MED28: variants seen among roughly 807,000 people sequenced by gnomAD.
MED28 encodes mediator of RNA polymerase II transcription subunit 28.
MED28 carries 26 observed loss-of-function variants against 21.3 expected under a neutral mutation model. The ratio of observed to expected loss-of-function variants is 1.22; its 90% CI spans 0.89 to 1.69. The LOEUF (loss-of-function observed/expected upper bound fraction) is 1.69. Among genes scored for constraint, MED28 ranks in the 40% most tolerant of loss-of-function variants. MED28 has a pLI of 0.00. For synonymous variants in MED28, 110 were observed against 87.6 expected, an observed-to-expected ratio of 1.26 and a Z score of -1.43; for missense variants, 257 against 215.4, an observed-to-expected ratio of 1.19 and a Z score of -1.21.
intron 3 of MED28, 73 bp from the exon 4 acceptor site, chr4:17,623,528 C>A: frequency 7.1e-7 from 1 of 1,417,922 alleles, no homozygotes; most frequent in South Asian, 1.2e-5. Flanking sequence ...GAATTGTTAG[C>A]CTCTTAACTA....
rs1428624018 is a variant in MED28 at position 17,631,506 on chromosome 4, T to TCA, written c.*7711_*7712dup. 6.6e-6 allele frequency: 1 copy of TCA among 152,166 alleles called. No homozygotes were observed. Among genetic ancestry groups the TCA allele is most frequent in the Non-Finnish European group, 1.5e-5 (1 of 68,048 alleles). 9.4% of individuals were successfully genotyped at this position (152,166 alleles called of 1,614,324 possible). ...CAAAGAACAGATAATCTAGAGACCT[T>TCA]CACAAGTGATCATGTTGGCACTATG... On this transcript the variant is annotated 3_prime_UTR_variant, in exon 4 of 4. Transcript: ENST00000237380.
rs911900310 is a variant in MED28 at position 17,625,112 on chromosome 4, T to TG, written c.*1315dup. On this transcript the variant is annotated 3_prime_UTR_variant, in exon 4 of 4. Transcript: ENST00000237380. ...TGAAGCCTCCCAGCACCCATTCAGTTGCATCCCCAGGGCACAGGACTTTGA... is the reference window on the plus strand; with the variant it reads ...TGAAGCCTCCCAGCACCCATTCAGTTGGCATCCCCAGGGCACAGGACTTTGA... 1.3e-5 allele frequency: 2 copies of TG among 152,374 alleles called. No homozygotes were observed. The highest frequency in any genetic ancestry group is 4.8e-5 in the African/African-American group (2 of 41,418). The allele number at this position is 152,374 out of a possible 1,614,324, so 9.4% of individuals were successfully genotyped here.
intron 2 of MED28, among the ~76,000 whole-genome samples, 177 bp from the exon 3 acceptor site, chr4:17,621,410 T>C (rs1422762939): frequency 6.6e-6 from 1 of 152,154 alleles, no homozygotes; most frequent in Admixed American, 6.5e-5. Flanking sequence ...ATCTGCTGTT[T>C]AATGTTGGTT....
rs529358520 is a variant in MED28, at chr4:17,616,696, C to A, written c.159+1883C>A. Among the ~76,000 whole-genome samples, 12 of 152,312 alleles carry A rather than the reference C, an allele frequency of 7.9e-5. No individual in the cohort carries two copies. The South Asian group carries it at 2.5e-3, about 32-fold the overall frequency. ...TCCCTGGCCTTCTTTTTAATACTTA[C>A]CATTAAATTCGGCTCCATGAAGTCA... On this transcript the variant is annotated intron_variant, in intron 1 of 3. Coordinates refer to ENST00000237380, the MANE Select transcript of MED28 (RefSeq NM_025205.5).
intron 3 of MED28, among the ~76,000 whole-genome samples, chr4:17,622,359 C>G (rs570276337): frequency 6.6e-6 from 1 of 152,126 alleles, no homozygotes; most frequent in African/African-American, 2.4e-5. Context: ...CCCAATTAAT[C>G]AAAAAGTCTC....
rs566778111 is a variant in MED28, at chr4:17,626,963, ATTT to A, written c.*3182_*3184del. ...CCTCAGCCTCCCAAGTAGCTGGGCT[ATTT>A]TTTTTTTTTTTTTTTTGAGATGGAG... On this transcript the variant is annotated 3_prime_UTR_variant, in exon 4 of 4. Transcript: ENST00000237380. The A allele has an allele frequency of 0.018, 2,266 of 126,100 alleles. 57 individuals are homozygous for A. The highest frequency in any genetic ancestry group is 0.057 in the African/African-American group (1,918 of 33,360). The allele number at this position is 126,100 out of a possible 1,614,324, so 7.8% of individuals were successfully genotyped here. A position where few individuals can be genotyped will look rare whatever the true frequency, so the allele number is the denominator to read the frequency against.
intron 1 of MED28, among the ~76,000 whole-genome samples, chr4:17,617,427 T>C (rs1714484370): frequency 6.6e-6 from 1 of 152,164 alleles, no homozygotes; most frequent in East Asian, 1.9e-4. Flanking sequence ...ATTGAGCTCA[T>C]GCACTCTTGA....
At chr4:17,616,893 A>T (rs1714469497) in intron 1 of MED28, among the ~76,000 whole-genome samples, 1 of 152,182 alleles carries the variant, frequency 6.6e-6, no homozygotes, top group African/African-American at 2.4e-5. Flanking sequence ...TGATTCACAT[A>T]TATGTCTGTA....
rs1715025540 is a variant in MED28, at chr4:17,633,482, T to G, written c.*9684T>G. The G allele has an allele frequency of 2.2e-6, 1 of 463,968 alleles. No individual in the cohort carries two copies. The highest frequency in any genetic ancestry group is 3.6e-5 in the East Asian group (1 of 27,830). 28.7% of individuals were successfully genotyped at this position (463,968 alleles called of 1,614,324 possible). A position where few individuals can be genotyped will look rare whatever the true frequency, so the allele number is the denominator to read the frequency against. Reference sequence around the variant, plus strand: ...AGCTAAGAATGAGGAAGACTGTAATTTGAATTCAGACCTCCAGGCCAGATG... The same window carrying G: ...AGCTAAGAATGAGGAAGACTGTAATGTGAATTCAGACCTCCAGGCCAGATG... On this transcript the variant is annotated 3_prime_UTR_variant, in exon 4 of 4. Transcript: ENST00000237380.
At chr4:17,620,229 A>G (rs1448830222) in intron 2 of MED28, 1 of 418,454 alleles carries the variant, frequency 2.4e-6, no homozygotes, top group East Asian at 4.4e-5. Context: ...ACTGCTTTTT[A>G]AAAAAATTTT....
rs1714566703 is a variant in MED28 at position 17,619,885 on chromosome 4, T to C, written c.160-16T>C. On this transcript the variant is annotated splice_polypyrimidine_tract_variant and intron_variant, in intron 1 of 3. Transcript: ENST00000237380. ...ATAAATGATATTTTTTTCTTTCCTATGTTTTGATTACACAGGCTTGCTTTG... is the reference window on the plus strand; with the variant it reads ...ATAAATGATATTTTTTTCTTTCCTACGTTTTGATTACACAGGCTTGCTTTG... 6.2e-7 allele frequency: 1 copy of C among 1,612,690 alleles called. No homozygotes were observed. The highest frequency in any genetic ancestry group is 1.1e-5 in the South Asian group (1 of 91,034).
rs1356765446 is a variant in MED28 at position 17,630,179 on chromosome 4, A to G, written c.*6381A>G. ...AAGTGCAGCCTGGGAAAGTGTTTCA[A>G]CACACAAAAATAGAACCACCTGTAT... is the stretch of plus-strand genomic sequence containing the variant. On this transcript the variant is annotated 3_prime_UTR_variant, in exon 4 of 4. Coordinates refer to ENST00000237380, the MANE Select transcript of MED28 (RefSeq NM_025205.5). The G allele has an allele frequency of 1.3e-5, 2 of 152,206 alleles. No individual in the cohort carries two copies. Among genetic ancestry groups the G allele is most frequent in the Admixed American group, 6.5e-5 (1 of 15,282 alleles). The allele number at this position is 152,206 out of a possible 1,614,324, so 9.4% of individuals were successfully genotyped here.
In MED28 at chr4:17,629,910, GT is replaced by G. The variant is rs1213592519; in HGVS notation, c.*6115del. On this transcript the variant is annotated 3_prime_UTR_variant, in exon 4 of 4. Coordinates refer to ENST00000237380, the MANE Select transcript of MED28 (RefSeq NM_025205.5). ...TGGTAATAACAAACAAAAAGCTTAA[GT>G]TTGTGTCCTTAAATGCCTTACTTCA... 3.3e-5 allele frequency: 5 copies of G among 152,150 alleles called. No homozygotes were observed. The highest frequency in any genetic ancestry group is 7.2e-5 in the African/African-American group (3 of 41,428). The allele number at this position is 152,150 out of a possible 1,614,324, so 9.4% of individuals were successfully genotyped here.
chr4:17,632,134 G>A lies in MED28; in HGVS notation c.*8336G>A, dbSNP rs1462363897. 1 of 134,300 alleles carries A rather than the reference G, an allele frequency of 7.4e-6. No individual in the cohort carries two copies. The highest frequency in any genetic ancestry group is 1.6e-5 in the Non-Finnish European group (1 of 63,686). The allele number at this position is 134,300 out of a possible 1,614,324, so 8.3% of individuals were successfully genotyped here. On this transcript the variant is annotated 3_prime_UTR_variant, in exon 4 of 4. Coordinates refer to ENST00000237380, the MANE Select transcript of MED28 (RefSeq NM_025205.5). The stretch of plus-strand genomic sequence containing the variant: ...CACCCAGGCTGGTTGGAATGCAGGA[G>A]TTCGAACTTGGCTCACTGCAACCTC...
rs1714830791 is a variant in MED28, at chr4:17,628,478, C to A, written c.*4680C>A. ...GTGAATCCTCACTTCCTTGAAATCACCCAACCAGGGCCAGAATCCTAAAAG... is the reference window on the plus strand; with the variant it reads ...GTGAATCCTCACTTCCTTGAAATCAACCAACCAGGGCCAGAATCCTAAAAG... On this transcript the variant is annotated 3_prime_UTR_variant, in exon 4 of 4. Coordinates refer to ENST00000237380, the MANE Select transcript of MED28 (RefSeq NM_025205.5). The A allele has an allele frequency of 6.6e-6, 1 of 152,102 alleles. No individual in the cohort carries two copies. Among genetic ancestry groups the A allele is most frequent in the South Asian group, 2.1e-4 (1 of 4,826 alleles). The allele number at this position is 152,102 out of a possible 1,614,324, so 9.4% of individuals were successfully genotyped here. A position where few individuals can be genotyped will look rare whatever the true frequency, so the allele number is the denominator to read the frequency against.
At position 17,633,691 on chromosome 4, in the gene MED28, T is replaced by C. The variant is rs1715034077; in HGVS notation, c.*9893T>C. ...CCTGTCCCCAACATCCCCCAAACCT[T>C]GTGGCAGTTTTTGCATCTGTAGACT... On this transcript the variant is annotated 3_prime_UTR_variant, in exon 4 of 4. Coordinates refer to ENST00000237380, the MANE Select transcript of MED28 (RefSeq NM_025205.5). 1 of 1,529,512 alleles carries C rather than the reference T, an allele frequency of 6.5e-7. No homozygotes were observed. The highest frequency in any genetic ancestry group is 1.4e-5 in the African/African-American group (1 of 71,980). 94.7% of individuals were successfully genotyped at this position (1,529,512 alleles called of 1,614,324 possible). A position where few individuals can be genotyped will look rare whatever the true frequency, so the allele number is the denominator to read the frequency against.
intron 3 of MED28, among the ~76,000 whole-genome samples, chr4:17,622,688 G>A (rs1030184251): frequency 2.0e-4 from 30 of 152,190 alleles, no homozygotes; most frequent in African/African-American, 7.0e-4. Flanking sequence ...GATAGAGTCT[G>A]TAATTAGTCT....
rs1202901869 is a variant in MED28, at chr4:17,630,813, A to T, written c.*7015A>T. 2 of 151,890 alleles carry T rather than the reference A, an allele frequency of 1.3e-5. No individual in the cohort carries two copies. The highest frequency in any genetic ancestry group is 2.9e-5 in the Non-Finnish European group (2 of 68,002). 9.4% of individuals were successfully genotyped at this position (151,890 alleles called of 1,614,324 possible). On this transcript the variant is annotated 3_prime_UTR_variant, in exon 4 of 4. Coordinates refer to ENST00000237380, the MANE Select transcript of MED28 (RefSeq NM_025205.5). ...TTTTAAGATGGTGTGATTGAGGTTA[A>T]TGTGAACTGAACTTTCTATTTCTAA...
intron 3 of MED28, among the ~76,000 whole-genome samples, chr4:17,622,131 C>T (rs988583321): frequency 1.3e-5 from 2 of 152,146 alleles, no homozygotes; most frequent in Non-Finnish European, 2.9e-5. Flanking sequence ...CTCAGGATTT[C>T]GTTGATCTCA....
Sources: allele counts gnomAD v4.1 joint callset (sites outside exome capture counted in the v4.1 genomes callset), GRCh38; gene constraint gnomAD v4.1.1; transcripts MANE v1.5; gene names NCBI Gene and HGNC (gene_info 2026-07-23, HGNC 2026-07-21).